RNF150: variants seen among roughly 807,000 people sequenced by gnomAD.
RNF150 encodes ring finger protein 150.
In RNF150, 24 loss-of-function variants were observed where a neutral mutation model predicts 39.3. The ratio of observed to expected loss-of-function variants is 0.61; its 90% CI spans 0.44 to 0.86. The LOEUF (loss-of-function observed/expected upper bound fraction) is 0.86, where lower values mean the gene tolerates loss of function less well. Ranked by LOEUF, RNF150 falls within the 40% of genes least tolerant of loss-of-function variation. The pLI, the probability that RNF150 is intolerant of heterozygous loss-of-function variation, is 0.00. For missense variants in RNF150, 502 were observed against 587.8 expected, an observed-to-expected ratio of 0.85 and a Z score of 1.51; for synonymous variants, 255 against 227.3, an observed-to-expected ratio of 1.12 and a Z score of -1.10.
At chr4:141,111,734 C>G (rs778332123) in intron 1 of RNF150, among the ~76,000 whole-genome samples, 1 of 152,110 alleles carries the variant, frequency 6.6e-6, no homozygotes. Flanking sequence ...TAAAACTGTT[C>G]TGGGTTTATA....
At chr4:141,084,573 G>A (rs1738280939) in intron 1 of RNF150, among the ~76,000 whole-genome samples, 1 of 152,188 alleles carries the variant, frequency 6.6e-6, no homozygotes. Context: ...TCAAATGCCT[G>A]AGAACTGAAT....
chr4:141,095,403 A>C (rs1201313110), intron 1 of RNF150, among the ~76,000 whole-genome samples: 2 of 152,198 alleles, frequency 1.3e-5, no homozygotes, highest in East Asian at 3.9e-4. Flanking sequence ...TCTCATAAGG[A>C]GCAAAAGCCT....
intron 1 of RNF150, among the ~76,000 whole-genome samples, chr4:141,199,910 C>A (rs561689180): frequency 9.2e-5 from 14 of 152,152 alleles, no homozygotes; most frequent in Admixed American, 3.3e-4. Flanking sequence ...TAGTAGAATG[C>A]CCTCAATATT....
At chr4:141,039,912 T>C (rs146096256) in intron 1 of RNF150, among the ~76,000 whole-genome samples, 1 of 152,226 alleles carries the variant, frequency 6.6e-6, no homozygotes, top group East Asian at 1.9e-4. Context: ...AAGAAGCACG[T>C]TGAGCCAATG....
At chr4:140,962,379 C>CAT (rs1457504278) in intron 2 of RNF150, among the ~76,000 whole-genome samples, 24 of 151,248 alleles carry the variant, frequency 1.6e-4, no homozygotes, top group East Asian at 1.9e-4. Context: ...ATATATAAGA[C>CAT]ATATATATAT....
chr4:140,976,841 G>A (rs548283523), intron 1 of RNF150, among the ~76,000 whole-genome samples: 107 of 152,010 alleles, frequency 7.0e-4, no homozygotes, highest in Non-Finnish European at 1.4e-3. Context: ...TTGCTAAGAG[G>A]GAAATCTCAC....
intron 6 of RNF150, among the ~76,000 whole-genome samples, chr4:140,893,589 T>C (rs565634006): frequency 7.2e-5 from 11 of 152,304 alleles, no homozygotes; most frequent in African/African-American, 2.4e-4. Flanking sequence ...CCTTTTAAGA[T>C]CATTTTCTGT....
intron 4 of RNF150, among the ~76,000 whole-genome samples, chr4:140,937,987 C>T (rs977602242): frequency 6.6e-6 from 1 of 152,016 alleles, no homozygotes; most frequent in Non-Finnish European, 1.5e-5. Flanking sequence ...TAACAGGCAC[C>T]GCAGGGTAAA....
Position 140,865,518 on chromosome 4 carries a change from GAA to G in RNF150, c.*2741_*2742del, listed in dbSNP as rs1728666948. ...AGGAAGGGCTGTTCCCCTTTCTTCT[GAA>G]AGAGAAACTTTCTGGTTAAGCTTTT... On this transcript the variant is annotated 3_prime_UTR_variant, in exon 7 of 7. Coordinates refer to ENST00000515673, the MANE Select transcript of RNF150 (RefSeq NM_020724.2). The G allele has an allele frequency of 6.7e-6, 1 of 149,562 alleles. No individual in the cohort carries two copies. Among genetic ancestry groups the G allele is most frequent in the Non-Finnish European group, 1.5e-5 (1 of 67,226 alleles). The allele number at this position is 149,562 out of a possible 1,614,324, so 9.3% of individuals were successfully genotyped here.
At chr4:140,959,452 C>T (rs1732925381) in intron 2 of RNF150, among the ~76,000 whole-genome samples, 2 of 152,132 alleles carry the variant, frequency 1.3e-5, no homozygotes, top group Admixed American at 1.3e-4. Context: ...TGTCACAGGG[C>T]TTGAATGGGA....
intron 1 of RNF150, among the ~76,000 whole-genome samples, chr4:141,151,092 A>T (rs778990563): frequency 5.9e-5 from 9 of 151,804 alleles, no homozygotes; most frequent in Non-Finnish European, 1.3e-4. Context: ...GGCGTACATT[A>T]CCATACCTGG....
At chr4:140,977,108 T>G (rs954973724) in intron 1 of RNF150, among the ~76,000 whole-genome samples, 3 of 152,136 alleles carry the variant, frequency 2.0e-5, no homozygotes, top group Non-Finnish European at 4.4e-5. Flanking sequence ...TAATTCACAA[T>G]GGATTATTTG....
chr4:141,049,542 AT>A (rs1356767968), intron 1 of RNF150, among the ~76,000 whole-genome samples: 5 of 152,180 alleles, frequency 3.3e-5, no homozygotes, highest in Admixed American at 2.6e-4. Flanking sequence ...GGTGAAAAAA[AT>A]TAACACATTT....
At chr4:140,998,786 C>G (rs1734474227) in intron 1 of RNF150, among the ~76,000 whole-genome samples, 1 of 152,226 alleles carries the variant, frequency 6.6e-6, no homozygotes, top group Non-Finnish European at 1.5e-5. Context: ...TCTGCAGGAT[C>G]TGTCTCAAAT....
chr4:140,956,030 T>C (rs1028080457), intron 2 of RNF150, among the ~76,000 whole-genome samples: 1 of 152,152 alleles, frequency 6.6e-6, no homozygotes, highest in African/African-American at 2.4e-5. Context: ...AGATCTGGTT[T>C]CCCTGGATTA....
chr4:141,007,898 GT>G (rs1351719551), intron 1 of RNF150, among the ~76,000 whole-genome samples: 1 of 152,182 alleles, frequency 6.6e-6, no homozygotes, highest in African/African-American at 2.4e-5. Flanking sequence ...CCAAATTTTT[GT>G]GAGTGTAAGT....
rs1726947404 is a variant in RNF150, at chr4:141,133,003, C to G, written c.-195G>C. 3.8e-6 allele frequency: 2 copies of G among 529,138 alleles called. No individual in the cohort carries two copies. The highest frequency in any genetic ancestry group is 6.6e-6 in the Non-Finnish European group (2 of 304,498). 32.8% of individuals were successfully genotyped at this position (529,138 alleles called of 1,614,324 possible). A position where few individuals can be genotyped will look rare whatever the true frequency, so the allele number is the denominator to read the frequency against. On this transcript the variant is annotated 5_prime_UTR_variant, in exon 1 of 7. Coordinates refer to ENST00000515673, the MANE Select transcript of RNF150 (RefSeq NM_020724.2). ...CGAGCGGATGGCGCTGGCCCCTTCC[C>G]CTCTCAGCTGTAGCGCGGTGGTTGC...
At position 141,098,818 on chromosome 4, in the gene RNF150, G is replaced by A. The variant is rs760420855; in HGVS notation, c.484+33507C>T. 4.6e-5 allele frequency among the ~76,000 whole-genome samples: 7 copies of A among 152,168 alleles called. No individual in the cohort carries two copies. In the South Asian group the frequency reaches 1.4e-3, roughly 31 times the overall value. On this transcript the variant is annotated intron_variant, in intron 1 of 6. Transcript: ENST00000515673. ...TCCTTCCTCATTGTACAAGGACTGGGTTGACTTGAAAGTCAAGGATAGAGA... is the reference window on the plus strand; with the variant it reads ...TCCTTCCTCATTGTACAAGGACTGGATTGACTTGAAAGTCAAGGATAGAGA...
At position 140,875,080 on chromosome 4, in the gene RNF150, C is replaced by T. The variant is rs137984401; in HGVS notation, c.1199-6701G>A. Among the ~76,000 whole-genome samples the T allele has an allele frequency of 7.5e-3, 1,133 of 151,834 alleles. 18 individuals carry two copies. Among genetic ancestry groups the T allele is most frequent in the African/African-American group, 0.021 (888 of 41,362 alleles). ...CTCAAAAAGGTTTAAAATTCCACAG[C>T]TTACATAATAGTAAGAGTTGGAAAC... On this transcript the variant is annotated intron_variant, in intron 6 of 6. Coordinates refer to ENST00000515673, the MANE Select transcript of RNF150 (RefSeq NM_020724.2).
Sources: gnomAD v4.1 joint callset for allele counts (sites outside exome capture counted in the v4.1 genomes callset) on GRCh38, gnomAD v4.1.1 for gene constraint, MANE v1.5 for transcripts, NCBI Gene and HGNC (gene_info 2026-07-23, HGNC 2026-07-21) for gene names.